SORCS1: variants seen among roughly 807,000 people sequenced by gnomAD.
The protein encoded by SORCS1 is VPS10 domain-containing receptor SorCS1.
Under a neutral mutation model 146.1 loss-of-function variants are expected in SORCS1, and 60 were observed. The ratio of observed to expected loss-of-function variants is 0.41; its 90% CI spans 0.33 to 0.51. The LOEUF (loss-of-function observed/expected upper bound fraction) is 0.51. SORCS1 is among the 20% of genes least tolerant of loss of function. The probability of loss-of-function intolerance (pLI) is 0.21; values close to 1 mark genes in which losing one functional copy is unlikely to be tolerated. For missense variants in SORCS1, 1,352 were observed against 1,487.6 expected, an observed-to-expected ratio of 0.91 and a Z score of 1.50; for synonymous variants, 637 against 584.0, an observed-to-expected ratio of 1.09 and a Z score of -1.31.
intron 1 of SORCS1, among the ~76,000 whole-genome samples, chr10:107,109,468 C>A (rs1965532795): frequency 6.6e-6 from 1 of 152,184 alleles, no homozygotes; most frequent in Non-Finnish European, 1.5e-5. Flanking sequence ...ATATCTGGGG[C>A]CCTCTGAGCC....
At chr10:106,688,588 C>G (rs1023024774) in intron 9 of SORCS1, among the ~76,000 whole-genome samples, 1 of 152,000 alleles carries the variant, frequency 6.6e-6, no homozygotes, top group African/African-American at 2.4e-5. Flanking sequence ...TCTTATTACC[C>G]CTAACATAGG....
chr10:106,670,122 T>C (rs187234640), intron 16 of SORCS1, among the ~76,000 whole-genome samples: 5 of 152,190 alleles, frequency 3.3e-5, no homozygotes, highest in Admixed American at 2.0e-4. Context: ...TAAAAACAAA[T>C]AAACGAATAC....
chr10:106,942,016 T>C (rs529361028), intron 2 of SORCS1, among the ~76,000 whole-genome samples: 2 of 152,318 alleles, frequency 1.3e-5, no homozygotes, highest in Admixed American at 6.5e-5. Flanking sequence ...AATTGACAAG[T>C]AGATCTAGTT....
rs987749096 is a variant in SORCS1 at position 106,574,824 on chromosome 10, C to A, written c.*2596G>T. ...GATGGGAGGGAGCTTTGAGGAGAGG[C>A]ACATGAGGATCCTGGAGATGCTGAA... On this transcript the variant is annotated 3_prime_UTR_variant, in exon 26 of 26. Coordinates refer to ENST00000263054, the MANE Select transcript of SORCS1 (RefSeq NM_052918.5). The A allele has an allele frequency of 2.0e-5, 3 of 152,538 alleles. No individual in the cohort carries two copies. The highest frequency in any genetic ancestry group is 4.8e-5 in the African/African-American group (2 of 41,436). The allele number at this position is 152,538 out of a possible 1,614,324, so 9.4% of individuals were successfully genotyped here.
chr10:106,633,058 C>A (rs866084513), intron 18 of SORCS1, among the ~76,000 whole-genome samples: 3 of 151,976 alleles, frequency 2.0e-5, no homozygotes, highest in African/African-American at 7.3e-5. Flanking sequence ...AACATGTTAC[C>A]AAATGAGGTT....
At chr10:106,726,123 TTTGTTG>T (rs886814083) in intron 6 of SORCS1, among the ~76,000 whole-genome samples, 2 of 150,918 alleles carry the variant, frequency 1.3e-5, no homozygotes, top group African/African-American at 2.4e-5. Flanking sequence ...CTCTGTTTAT[TTTGTTG>T]TTGTTGTTGT....
At position 106,706,643 on chromosome 10, in the gene SORCS1, T is replaced by A. The variant is rs763442224; in HGVS notation, c.1144-9A>T. The stretch of plus-strand genomic sequence containing the variant: ...CGCCCTCCTGATGTCAGCTGGATCA[T>A]AAAAACAAGACTGTAAGAAGCTCGA... On this transcript the variant is annotated splice_polypyrimidine_tract_variant and intron_variant, in intron 7 of 25. Coordinates refer to ENST00000263054, the MANE Select transcript of SORCS1 (RefSeq NM_052918.5). 6.2e-7 allele frequency: 1 copy of A among 1,613,710 alleles called. No individual in the cohort carries two copies. Among genetic ancestry groups the A allele is most frequent in the South Asian group, 1.1e-5 (1 of 91,062 alleles).
intron 1 of SORCS1, among the ~76,000 whole-genome samples, chr10:107,089,844 G>T (rs1964053008): frequency 6.6e-6 from 1 of 152,152 alleles, no homozygotes. Flanking sequence ...TCAAGTTACT[G>T]TAAGTTCTTA....
At chr10:106,587,716 A>T (rs942740932) in intron 24 of SORCS1, among the ~76,000 whole-genome samples, 1 of 152,220 alleles carries the variant, frequency 6.6e-6, no homozygotes, top group Non-Finnish European at 1.5e-5. Flanking sequence ...ATAACACAAG[A>T]TAACAGTTTT....
chr10:107,051,433 T>C (rs987668678), intron 1 of SORCS1, among the ~76,000 whole-genome samples: 1 of 152,200 alleles, frequency 6.6e-6, no homozygotes, highest in African/African-American at 2.4e-5. Context: ...ACCTGAAAGA[T>C]GTTTACAATC....
chr10:106,735,570 G>A (rs1371398690), intron 5 of SORCS1, among the ~76,000 whole-genome samples: 1 of 152,208 alleles, frequency 6.6e-6, no homozygotes, highest in Admixed American at 6.5e-5. Context: ...TGGACAGAAG[G>A]AGTGAAGAGC....
At chr10:106,692,253 GAC>G (rs1853350158) in intron 9 of SORCS1, among the ~76,000 whole-genome samples, 1 of 152,148 alleles carries the variant, frequency 6.6e-6, no homozygotes, top group South Asian at 2.1e-4. Context: ...TTTTGGTAGA[GAC>G]AGGGTTTTGT....
rs1197163221 is a variant in SORCS1, at chr10:106,848,103, G to A, written c.627-18430C>T. 8.6e-5 allele frequency among the ~76,000 whole-genome samples: 8 copies of A among 93,120 alleles called. No individual in the cohort carries two copies. In the South Asian group the frequency reaches 2.7e-3, roughly 31 times the overall value. 61.1% of individuals were successfully genotyped at this position (93,120 alleles called of 152,430 possible). A position where few individuals can be genotyped will look rare whatever the true frequency, so the allele number is the denominator to read the frequency against. On this transcript the variant is annotated intron_variant, in intron 2 of 25. Coordinates refer to ENST00000263054, the MANE Select transcript of SORCS1 (RefSeq NM_052918.5). Reference sequence around the variant, plus strand: ...AGTTCTGTAGATGTCTATTAGGTCCGCTTGGTGCAGAGCTGAGTTCAATTC... The same window carrying A: ...AGTTCTGTAGATGTCTATTAGGTCCACTTGGTGCAGAGCTGAGTTCAATTC...
At chr10:107,179,261 T>G in the SORCS1 span, among the ~76,000 whole-genome samples, 1 of 152,228 alleles carries the variant, frequency 6.6e-6, no homozygotes. Context: ...TTGAATGTCC[T>G]AAAAGAATTT....
chr10:106,868,193 T>G (rs1237594497), intron 2 of SORCS1, among the ~76,000 whole-genome samples: 1 of 151,544 alleles, frequency 6.6e-6, no homozygotes, highest in Non-Finnish European at 1.5e-5. Flanking sequence ...GTACCCAGAT[T>G]TATAAAGCAA....
intron 2 of SORCS1, among the ~76,000 whole-genome samples, chr10:106,884,964 T>C (rs1410984568): frequency 6.6e-6 from 1 of 152,204 alleles, no homozygotes; most frequent in Non-Finnish European, 1.5e-5. Flanking sequence ...AGCTTGAGTT[T>C]CACTGGGATA....
At chr10:106,584,423 G>T (rs1465865877) in intron 24 of SORCS1, among the ~76,000 whole-genome samples, 1 of 152,122 alleles carries the variant, frequency 6.6e-6, no homozygotes, top group Non-Finnish European at 1.5e-5. Context: ...CTGGCGTCCT[G>T]GGTTCCTATG....
At chr10:106,838,060 A>G (rs1180738830) in intron 2 of SORCS1, among the ~76,000 whole-genome samples, 1 of 152,070 alleles carries the variant, frequency 6.6e-6, no homozygotes, top group Non-Finnish European at 1.5e-5. Context: ...AGTAGGCACT[A>G]TTTGCTTTTG....
intron 1 of SORCS1, among the ~76,000 whole-genome samples, chr10:107,020,494 G>C (rs1958081645): frequency 1.3e-5 from 2 of 152,214 alleles, no homozygotes; most frequent in Admixed American, 1.3e-4. Flanking sequence ...AAGCTTTAGG[G>C]AGAAAATCTG....
Sources: allele counts gnomAD v4.1 joint callset (sites outside exome capture counted in the v4.1 genomes callset), GRCh38; gene constraint gnomAD v4.1.1; transcripts MANE v1.5; gene names NCBI Gene and HGNC (gene_info 2026-07-23, HGNC 2026-07-21).